The following PDE4D variants were observed in gnomAD, a reference collection of about 807,000 sequenced individuals.
PDE4D encodes 3',5'-cyclic-AMP phosphodiesterase 4D.
A neutral mutation model predicts 87.4 loss-of-function variants in PDE4D; 24 were observed. The ratio of observed to expected loss-of-function variants is 0.27; its 90% CI spans 0.20 to 0.39. The LOEUF (loss-of-function observed/expected upper bound fraction) is 0.39. Among genes scored for constraint, PDE4D ranks in the 10% least tolerant of loss-of-function variants. The pLI, the probability that PDE4D is intolerant of heterozygous loss-of-function variation, is 1.00. For missense variants in PDE4D, 714 were observed against 1,041.0 expected (o/e 0.69, Z 4.32); for synonymous variants, 384 against 383.2 (o/e 1.00, Z -0.02).
At chr5:60,060,647 C>G (rs7707407) in intron 2 of PDE4D, among the ~76,000 whole-genome samples, 47,829 of 151,996 alleles carry the variant, frequency 0.31, 8,118 homozygotes, top group East Asian at 0.74. Context: ...GGGGCTAACA[C>G]TGCAGTGAAC....
intron 1 of PDE4D, among the ~76,000 whole-genome samples, chr5:60,291,393 A>G (rs888556575): frequency 6.6e-6 from 1 of 152,220 alleles, no homozygotes; most frequent in African/African-American, 2.4e-5. Context: ...TGAACAAAAT[A>G]ATAAAAATGT....
At chr5:60,388,756 G>A (rs914938990) in intron 1 of PDE4D, among the ~76,000 whole-genome samples, 3 of 152,136 alleles carry the variant, frequency 2.0e-5, no homozygotes, top group Non-Finnish European at 2.9e-5. Flanking sequence ...GAAAGATTCC[G>A]TTTCCTGAGG....
chr5:59,504,465 G>A (rs577864449), intron 1 of PDE4D, among the ~76,000 whole-genome samples: 6 of 152,096 alleles, frequency 3.9e-5, no homozygotes, highest in East Asian at 1.9e-4. Flanking sequence ...ATATAAACAC[G>A]TGCTTTAAAA....
Position 59,004,015 on chromosome 5 carries a change from T to G in PDE4D, c.922-10550A>C, listed in dbSNP as rs537411433. 2.0e-5 allele frequency among the ~76,000 whole-genome samples: 3 copies of G among 152,202 alleles called. No homozygotes were observed. In the South Asian group the frequency reaches 6.2e-4, roughly 32 times the overall value. On this transcript the variant is annotated intron_variant, in intron 6 of 14. Coordinates refer to ENST00000340635, the MANE Select transcript of PDE4D (RefSeq NM_001104631.2). ...CATCAATTTTATTCTTTGACAAACT[T>G]AAGACTCAGTTACTTTTTACTTTTT...
intron 1 of PDE4D, among the ~76,000 whole-genome samples, chr5:60,205,122 A>ACT (rs1269247108): frequency 6.6e-6 from 1 of 151,818 alleles, no homozygotes; most frequent in Non-Finnish European, 1.5e-5. Context: ...TAAGCCTGCA[A>ACT]CTCTGATCCC....
At chr5:59,133,051 G>T (rs888151544) in intron 5 of PDE4D, among the ~76,000 whole-genome samples, 1 of 152,066 alleles carries the variant, frequency 6.6e-6, no homozygotes, top group Non-Finnish European at 1.5e-5. Flanking sequence ...ATGACTTAGA[G>T]AATTGAAAAA....
chr5:59,626,778 A>G (rs1178916384), intron 1 of PDE4D, among the ~76,000 whole-genome samples: 1 of 152,244 alleles, frequency 6.6e-6, no homozygotes, highest in Non-Finnish European at 1.5e-5. Flanking sequence ...AATAACTTTA[A>G]TGAACGCTGA....
At chr5:59,189,827 G>A (rs377132998) in intron 3 of PDE4D, among the ~76,000 whole-genome samples, 1 of 152,242 alleles carries the variant, frequency 6.6e-6, no homozygotes, top group African/African-American at 2.4e-5. Context: ...AGGACCAAAG[G>A]GATTCTGAGC....
At chr5:60,380,551 A>C (rs537853869) in intron 1 of PDE4D, among the ~76,000 whole-genome samples, 1 of 152,308 alleles carries the variant, frequency 6.6e-6, no homozygotes, top group Non-Finnish European at 1.5e-5. Flanking sequence ...TCCCAGAATG[A>C]TTATACTTTG....
intron 1 of PDE4D, among the ~76,000 whole-genome samples, chr5:59,316,538 A>G (rs1193288402): frequency 6.6e-6 from 1 of 152,178 alleles, no homozygotes. Context: ...GTAAATTTCC[A>G]TCTTGCTGTT....
chr5:58,976,576 C>T, intron 12 of PDE4D, 104 bp from the exon 13 acceptor site: 1 of 886,358 alleles, frequency 1.1e-6, no homozygotes, highest in Non-Finnish European at 1.7e-6. Flanking sequence ...AACACTATGC[C>T]TTTTAATGAC....
At chr5:59,232,271 C>A (rs917673430) in intron 1 of PDE4D, among the ~76,000 whole-genome samples, 1 of 152,044 alleles carries the variant, frequency 6.6e-6, no homozygotes. Context: ...AAATATATAT[C>A]TGACAACGGA....
chr5:60,043,027 G>T (rs1768704214), intron 2 of PDE4D, among the ~76,000 whole-genome samples: 1 of 151,916 alleles, frequency 6.6e-6, no homozygotes, highest in Admixed American at 6.6e-5. Flanking sequence ...CTAACCCAAT[G>T]CAGAGAAGCT....
chr5:59,648,914 A>C (rs1742912036), intron 1 of PDE4D, among the ~76,000 whole-genome samples: 1 of 152,234 alleles, frequency 6.6e-6, no homozygotes, highest in African/African-American at 2.4e-5. Flanking sequence ...CAACAAGGAA[A>C]GAGCTTGTCT....
chr5:59,000,634 A>G (rs1310269924), intron 6 of PDE4D, among the ~76,000 whole-genome samples: 1 of 152,146 alleles, frequency 6.6e-6, no homozygotes. Flanking sequence ...TGTATGCATA[A>G]GGAATGCAGT....
intron 1 of PDE4D, among the ~76,000 whole-genome samples, chr5:59,271,733 T>C (rs932614934): frequency 1.3e-5 from 2 of 152,084 alleles, no homozygotes; most frequent in Non-Finnish European, 2.9e-5. Flanking sequence ...CCTGAGCAAA[T>C]TGTGGTTTAA....
At position 60,230,428 on chromosome 5, in the gene PDE4D, T is replaced by C. The variant is rs79261168; in HGVS notation, c.-89-44741A>G. ...ATGTCCTTTGCAAAGTGGAAACTTA[T>C]TCTAGTTGGATTTTTCATTCCTTGC... On this transcript the variant is annotated intron_variant, in intron 1 of 16. Coordinates refer to the PDE4D transcript ENST00000502484. Among the ~76,000 whole-genome samples, 590 of 152,164 alleles carry C rather than the reference T, an allele frequency of 3.9e-3. 3 individuals carry two copies. Among genetic ancestry groups the C allele is most frequent in the Non-Finnish European group, 6.1e-3 (413 of 67,968 alleles).
At chr5:59,639,655 T>C (rs920660234) in intron 1 of PDE4D, among the ~76,000 whole-genome samples, 2 of 152,136 alleles carry the variant, frequency 1.3e-5, no homozygotes, top group African/African-American at 2.4e-5. Flanking sequence ...CTGAGGTGCC[T>C]TCAAGGCATC....
At chr5:60,183,560 T>A (rs1031859579) in intron 2 of PDE4D, among the ~76,000 whole-genome samples, 4 of 152,210 alleles carry the variant, frequency 2.6e-5, no homozygotes, top group Non-Finnish European at 4.4e-5. Context: ...CTACCTCTTT[T>A]GTATGCCTTA....
Sources: gnomAD v4.1 joint callset for allele counts (sites outside exome capture counted in the v4.1 genomes callset) on GRCh38, gnomAD v4.1.1 for gene constraint, MANE v1.5 for transcripts, NCBI Gene and HGNC (gene_info 2026-07-23, HGNC 2026-07-21) for gene names.